Variants in ANKRD26 observed in about 807,000 individuals in gnomAD.
ANKRD26 encodes the protein ankyrin repeat domain 26, also known as ankyrin repeat domain-containing protein 26.
In ANKRD26, 141 loss-of-function variants were observed where a neutral mutation model predicts 208.7. The observed-to-expected ratio is 0.68, with a 90% CI of 0.59 to 0.78. The LOEUF (loss-of-function observed/expected upper bound fraction) is 0.78. ANKRD26 is among the 30% of genes least tolerant of loss of function. ANKRD26 has a pLI of 0.00. For missense variants in ANKRD26, 1,889 were observed against 1,938.7 expected, an observed-to-expected ratio of 0.97 and a Z score of 0.48; for synonymous variants, 636 against 660.4, an observed-to-expected ratio of 0.96 and a Z score of 0.57.
chr10:27,086,027 C>T (rs1162546025), intron 5 of ANKRD26, among the ~76,000 whole-genome samples: 1 of 152,060 alleles, frequency 6.6e-6, no homozygotes, highest in African/African-American at 2.4e-5. Flanking sequence ...TTGCAGTCAA[C>T]AGTAGGCAAT....
intron 11 of ANKRD26, among the ~76,000 whole-genome samples, chr10:27,065,526 C>T (rs574164625): frequency 5.7e-4 from 87 of 152,130 alleles, no homozygotes; most frequent in African/African-American, 1.9e-3. Context: ...ACTGCCTTCA[C>T]GTTTACAAAA....
chr10:26,964,541 A>G, the ANKRD26 span, among the ~76,000 whole-genome samples: 1 of 152,206 alleles, frequency 6.6e-6, no homozygotes, highest in Non-Finnish European at 1.5e-5. Context: ...AACAAATAGC[A>G]AACCCAGTGA....
intron 4 of ANKRD26, among the ~76,000 whole-genome samples, chr10:26,996,776 G>C (rs1589181760): frequency 2.0e-5 from 3 of 152,188 alleles, no homozygotes; most frequent in Non-Finnish European, 4.4e-5. Context: ...AAGTGGGAGA[G>C]GATGGCCTTA....
At chr10:26,969,495 A>G (rs971055608), downstream of ANKRD26, among the ~76,000 whole-genome samples, 2 of 152,150 alleles carry the variant, frequency 1.3e-5, no homozygotes, top group East Asian at 1.9e-4. Context: ...TCTCTCACCA[A>G]TGAAGACTCC....
At position 27,065,684 on chromosome 10, in the gene ANKRD26, C is replaced by T. The variant is rs181327142; in HGVS notation, c.1269+803G>A. On this transcript the variant is annotated intron_variant, in intron 11 of 33. Coordinates refer to ENST00000376087, the MANE Select transcript of ANKRD26 (RefSeq NM_014915.3). ...AGATCTATACAAATATATATTAATA[C>T]TTTAAAGTACCAGGCATTATCTTTT... Among the ~76,000 whole-genome samples, 470 of 147,922 alleles carry T rather than the reference C, an allele frequency of 3.2e-3. 3 individuals carry two copies. The highest frequency in any genetic ancestry group is 0.011 in the African/African-American group (442 of 40,718).
At chr10:26,966,555 C>T in the ANKRD26 span, among the ~76,000 whole-genome samples, 1 of 152,132 alleles carries the variant, frequency 6.6e-6, no homozygotes, top group South Asian at 2.1e-4. Context: ...CACACGTATA[C>T]CTATGTAACA....
intron 16 of ANKRD26, chr10:27,051,114 ATG>A (rs1194874975): frequency 7.8e-7 from 1 of 1,288,670 alleles, no homozygotes; most frequent in Non-Finnish European, 1.0e-6. Context: ...TACTTTTAAC[ATG>A]CCTATCTCAT....
intron 4 of ANKRD26, among the ~76,000 whole-genome samples, chr10:27,090,633 T>C (rs2056270530): frequency 6.6e-6 from 1 of 152,106 alleles, no homozygotes; most frequent in African/African-American, 2.4e-5. Context: ...CTCACTGGGG[T>C]ATTACATACT....
the ANKRD26 span, among the ~76,000 whole-genome samples, chr10:26,954,276 A>G: frequency 1.3e-5 from 2 of 152,316 alleles, no homozygotes; most frequent in Admixed American, 1.3e-4. Flanking sequence ...ATAAATTGGC[A>G]TTACTCCAGA....
intron 3 of ANKRD26, among the ~76,000 whole-genome samples, chr10:26,985,541 C>T (rs902709308): frequency 1.3e-5 from 2 of 152,134 alleles, no homozygotes; most frequent in Non-Finnish European, 2.9e-5. Flanking sequence ...TGACCATTCC[C>T]CAGATTGGAG....
chr10:27,034,745 T>A, intron 24 of ANKRD26, 51 bp downstream of exon 24: 1 of 1,225,200 alleles, frequency 8.2e-7, no homozygotes, highest in Non-Finnish European at 1.2e-6. Context: ...TATATTATTT[T>A]AAATTTTCTT....
At chr10:27,059,787 G>A (rs540047359) in intron 15 of ANKRD26, among the ~76,000 whole-genome samples, 4 of 151,668 alleles carry the variant, frequency 2.6e-5, no homozygotes, top group African/African-American at 4.8e-5. Context: ...GTGTGTGCCC[G>A]GGGAGCTTGA....
chr10:27,063,304 ATTATT>A lies in ANKRD26; in HGVS notation c.1363+679_1363+683del, dbSNP rs1235994401. Among the ~76,000 whole-genome samples the A allele has an allele frequency of 1.3e-4, 19 of 151,920 alleles. No individual in the cohort carries two copies. The East Asian group carries it at 2.7e-3, about 22-fold the overall frequency. On this transcript the variant is annotated intron_variant, in intron 12 of 33. Coordinates refer to ENST00000376087, the MANE Select transcript of ANKRD26 (RefSeq NM_014915.3). The stretch of plus-strand genomic sequence containing the variant: ...ACCCTGCTTTTCCATTTTCTAAAGA[ATTATT>A]TTATTTTATTTTTTAATTTTTATTT...
At chr10:27,013,201 G>C in intron 31 of ANKRD26, 91 bp from the exon 32 acceptor site, 1 of 1,119,862 alleles carries the variant, frequency 8.9e-7, no homozygotes, top group Non-Finnish European at 1.3e-6. Context: ...GTTACCATAG[G>C]AGTAAATGAA....
At chr10:27,013,566 A>G (rs1489661338) in intron 31 of ANKRD26, among the ~76,000 whole-genome samples, 2 of 152,260 alleles carry the variant, frequency 1.3e-5, no homozygotes, top group South Asian at 2.1e-4. Context: ...GTTTTGATAC[A>G]TACAATTAAT....
downstream of ANKRD26, among the ~76,000 whole-genome samples, chr10:26,971,321 T>C (rs2134585469): frequency 6.6e-6 from 1 of 152,088 alleles, no homozygotes; most frequent in East Asian, 1.9e-4. Context: ...AGGCAGAGGT[T>C]ACAGTGAGCC....
chr10:27,066,284 G>T, intron 11 of ANKRD26: 4 of 360,936 alleles, frequency 1.1e-5, no homozygotes, highest in East Asian at 4.4e-5. Context: ...ATTCTTAAAT[G>T]AATCCTGCAA....
chr10:26,954,796 G>A, the ANKRD26 span, among the ~76,000 whole-genome samples: 3 of 152,018 alleles, frequency 2.0e-5, no homozygotes, highest in African/African-American at 7.3e-5. Context: ...CATGTTCAAA[G>A]CTTTCTTTTC....
exon 5 of ANKRD26, chr10:26,995,144 G>A (rs1388806371): frequency 8.5e-6 from 4 of 471,178 alleles, no homozygotes; most frequent in Middle Eastern, 6.5e-4. Context: ...TCATCAGAAG[G>A]TCCCTGGAAT....
Sources: gnomAD v4.1 joint callset for allele counts (sites outside exome capture counted in the v4.1 genomes callset) on GRCh38, gnomAD v4.1.1 for gene constraint, MANE v1.5 for transcripts, NCBI Gene and HGNC (gene_info 2026-07-23, HGNC 2026-07-21) for gene names.